ST6GALNAC2: variants seen among roughly 807,000 people sequenced by gnomAD.
ST6GALNAC2 encodes the protein ST6 N-acetylgalactosaminide alpha-2,6-sialyltransferase 2.
In ST6GALNAC2, 42 loss-of-function variants were observed where a neutral mutation model predicts 38.7. The observed-to-expected ratio is 1.09, with a 90% CI of 0.85 to 1.40. The LOEUF (loss-of-function observed/expected upper bound fraction) is 1.40. ST6GALNAC2 is among the 40% of genes most tolerant of loss of function. The pLI, the probability that ST6GALNAC2 is intolerant of heterozygous loss-of-function variation, is 0.00. For missense variants in ST6GALNAC2, 506 were observed against 481.7 expected (o/e 1.05, Z -0.47); for synonymous variants, 233 against 209.0 (o/e 1.11, Z -0.99).
chr17:76,566,226 C>G lies in ST6GALNAC2; in HGVS notation c.1003G>C (p.Asp335His), dbSNP rs373585653. Residue 335 changes from aspartate to histidine, a missense_variant, in exon 9 of 9, where the codon GAC (aspartate) becomes CAC (histidine). By Grantham distance (81) the Asp-to-His change is moderately conservative (BLOSUM62 -1). Transcript: ENST00000225276. ...TTCATTTTTCGTTCGAAATAGTGGT[C>G]GGAAAATTTCCAGTAGTTGCTTGTG... Reference protein sequence around the residue: ...FITSNYWKFSDHYFERKMKPL... With the variant: ...FITSNYWKFSHHYFERKMKPL... 1 of 1,614,040 alleles carries G rather than the reference C, an allele frequency of 6.2e-7. No homozygotes were observed. The highest frequency in any genetic ancestry group is 1.1e-5 in the South Asian group (1 of 91,048).
At chr17:76,576,203 A>T (rs2075413792) in intron 2 of ST6GALNAC2, among the ~76,000 whole-genome samples, 1 of 152,156 alleles carries the variant, frequency 6.6e-6, no homozygotes. Flanking sequence ...AGCTACTGAG[A>T]CTGCACTGCA....
intron 1 of ST6GALNAC2, among the ~76,000 whole-genome samples, chr17:76,584,184 C>G (rs1163819318): frequency 7.4e-6 from 1 of 134,260 alleles, no homozygotes; most frequent in Non-Finnish European, 1.6e-5. Context: ...GCATATCCAT[C>G]ACCTCGAACT....
intron 4 of ST6GALNAC2, 143 bp from the exon 5 acceptor site, chr17:76,572,918 C>A: frequency 1.9e-6 from 2 of 1,076,864 alleles, no homozygotes; most frequent in South Asian, 1.4e-5. Flanking sequence ...GCCCAGTTGT[C>A]AACCAGACCC....
chr17:76,577,060 TTTC>T lies in ST6GALNAC2; in HGVS notation c.186+1693_186+1695del, dbSNP rs2075425351. Among the ~76,000 whole-genome samples the T allele has an allele frequency of 2.6e-4, 6 of 22,870 alleles. No individual in the cohort carries two copies. In the South Asian group the frequency reaches 0.043, roughly 166 times the overall value. 15.0% of individuals were successfully genotyped at this position (22,870 alleles called of 152,430 possible). ...TGGAACAAATTAACAAATTCTTTTT[TTTC>T]TTTTTTTTTTTTTTTTTTTTGAGAC... is the stretch of plus-strand genomic sequence containing the variant. On this transcript the variant is annotated intron_variant, in intron 2 of 8. Coordinates refer to ENST00000225276, the MANE Select transcript of ST6GALNAC2 (RefSeq NM_006456.3).
At chr17:76,576,898 A>G (rs2075422171) in intron 2 of ST6GALNAC2, among the ~76,000 whole-genome samples, 1 of 149,526 alleles carries the variant, frequency 6.7e-6, no homozygotes, top group Non-Finnish European at 1.5e-5. Context: ...TGAACGTGGG[A>G]GGCGGAGGTT....
Position 76,570,612 on chromosome 17 carries a change from C to G in ST6GALNAC2, c.726G>C (p.Ser242=), listed in dbSNP as rs759738194. 6.2e-7 allele frequency: 1 copy of G among 1,613,322 alleles called. No individual in the cohort carries two copies. Among genetic ancestry groups the G allele is most frequent in the Non-Finnish European group, 8.5e-7 (1 of 1,179,814 alleles). The change falls in exon 6 of 9, where the codon TCG becomes TCC. Residue 242 remains serine, a synonymous_variant. Transcript: ENST00000225276. The part of the protein sequence containing the change: ...SDIRDYVMLR[S]AILGVPVPEG... ...CAGGGACAGGCACGCCCAGAATGGC[C>G]GATCTCAGCATCACATAGTCGCGGA... is the stretch of plus-strand genomic sequence containing the variant.
In ST6GALNAC2 at chr17:76,566,093, G is replaced by A; in HGVS notation, c.*11C>T. 3 of 1,611,784 alleles carry A rather than the reference G, an allele frequency of 1.9e-6. No homozygotes were observed. Among genetic ancestry groups the A allele is most frequent in the Non-Finnish European group, 2.5e-6 (3 of 1,178,816 alleles). On this transcript the variant is annotated 3_prime_UTR_variant, in exon 9 of 9. Transcript: ENST00000225276. ...AACTCTTGAAGAAGCAAAGGGCTCA[G>A]TGCATTGGGGTCAGCGCTGGTACAG...
At position 76,573,089 on chromosome 17, in the gene ST6GALNAC2, G is replaced by C. The variant is rs2075371416; in HGVS notation, c.530+106C>G. The C allele has an allele frequency of 1.1e-5, 14 of 1,274,502 alleles. No individual in the cohort carries two copies. Among genetic ancestry groups the C allele is most frequent in the Middle Eastern group, 2.6e-4 (1 of 3,802 alleles). The allele number at this position is 1,274,502 out of a possible 1,614,324, so 78.9% of individuals were successfully genotyped here. ...TGCCCGTGTGCTGGTCACAACTGCT[G>C]AGCCGCCCAGGCCACTGCTGCCATA... is the stretch of plus-strand genomic sequence containing the variant. On this transcript the variant is annotated intron_variant, in intron 4 of 8. Transcript: ENST00000225276. This position sits in a 1 kb window ranked among gnomAD's most constrained non-coding sequence, Gnocchi z 5.1.
At chr17:76,585,306 G>A (rs1170479848) in intron 1 of ST6GALNAC2, among the ~76,000 whole-genome samples, 1 of 152,212 alleles carries the variant, frequency 6.6e-6, no homozygotes, top group Non-Finnish European at 1.5e-5. Flanking sequence ...TGACGTTACC[G>A]AGGGAGAGTT....
intron 1 of ST6GALNAC2, among the ~76,000 whole-genome samples, chr17:76,581,870 AT>A (rs1392349042): frequency 6.6e-6 from 1 of 151,676 alleles, no homozygotes; most frequent in Non-Finnish European, 1.5e-5. Flanking sequence ...TTTTATTTTT[AT>A]TTTTATTTTT....
intron 2 of ST6GALNAC2, among the ~76,000 whole-genome samples, chr17:76,575,751 G>C (rs988404858): frequency 6.6e-6 from 1 of 152,242 alleles, no homozygotes; most frequent in Non-Finnish European, 1.5e-5. Context: ...CCCCAGCCTT[G>C]TCTGCCCGTG....
rs2075266086 is a variant in ST6GALNAC2 at position 76,565,414 on chromosome 17, T to TGTTGGTGACATCATCCA, written c.*689_*690insTGGATGATGTCACCAAC. The TGTTGGTGACATCATCCA allele has an allele frequency of 6.6e-6, 1 of 151,994 alleles. No homozygotes were observed. Among genetic ancestry groups the TGTTGGTGACATCATCCA allele is most frequent in the South Asian group, 2.1e-4 (1 of 4,818 alleles). 9.4% of individuals were successfully genotyped at this position (151,994 alleles called of 1,614,324 possible). A position where few individuals can be genotyped will look rare whatever the true frequency, so the allele number is the denominator to read the frequency against. ...GGTTTATTACCTGGTGACATCATCC[T>TGTTGGTGACATCATCCA]GTTGGTGACAAGGTGGTGATACATC... On this transcript the variant is annotated 3_prime_UTR_variant, in exon 9 of 9. Transcript: ENST00000225276.
At chr17:76,574,769 C>G (rs59908589) in intron 2 of ST6GALNAC2, among the ~76,000 whole-genome samples, 1 of 151,960 alleles carries the variant, frequency 6.6e-6, no homozygotes, top group Non-Finnish European at 1.5e-5. Flanking sequence ...CTCCGTCTCC[C>G]GGGTTCACGC....
In ST6GALNAC2 at chr17:76,573,913, G is replaced by A. The variant is rs539105269; in HGVS notation, c.361+452C>T. 4.6e-5 allele frequency among the ~76,000 whole-genome samples: 7 copies of A among 152,258 alleles called. No individual in the cohort carries two copies. Among genetic ancestry groups the A allele is most frequent in the South Asian group, 4.1e-4 (2 of 4,820 alleles). Reference sequence around the variant, plus strand: ...TGCACTCCAGCCTGAGTGACAGAGCGAGACTCCATCTCAAAAATAAAAAAG... The same window carrying A: ...TGCACTCCAGCCTGAGTGACAGAGCAAGACTCCATCTCAAAAATAAAAAAG... On this transcript the variant is annotated intron_variant, in intron 3 of 8. Transcript: ENST00000225276. This position sits in a 1 kb window ranked among gnomAD's most constrained non-coding sequence, Gnocchi z 5.1.
At chr17:76,578,933 G>C (rs1285245608) in intron 1 of ST6GALNAC2, 117 bp from the exon 2 acceptor site, 2 of 800,146 alleles carry the variant, frequency 2.5e-6, no homozygotes, top group African/African-American at 3.5e-5. Flanking sequence ...TGTGCCCATC[G>C]TGGTGGCTCA....
intron 1 of ST6GALNAC2, among the ~76,000 whole-genome samples, chr17:76,582,572 A>AAAC (rs970986186): frequency 6.6e-6 from 1 of 152,148 alleles, no homozygotes; most frequent in Non-Finnish European, 1.5e-5. Context: ...CTCTCCTATT[A>AAAC]AACAACAACA....
Position 76,567,739 on chromosome 17 carries a change from G to T in ST6GALNAC2, c.858-187C>A, listed in dbSNP as rs147268000. 4.1e-3 allele frequency: 2,141 copies of T among 521,136 alleles called. 42 individuals carry two copies. The highest frequency in any genetic ancestry group is 0.037 in the African/African-American group (1,939 of 52,158). 32.3% of individuals were successfully genotyped at this position (521,136 alleles called of 1,614,324 possible). ...ACCTTAGGTAAGGTTGGGGGAGGGG[G>T]TGGTGAGAAAGGAACCACAGGTTCC... On this transcript the variant is annotated intron_variant, in intron 7 of 8. Coordinates refer to ENST00000225276, the MANE Select transcript of ST6GALNAC2 (RefSeq NM_006456.3).
At chr17:76,578,664 A>G (rs1336982899) in intron 2 of ST6GALNAC2, 92 bp downstream of exon 2, 5 of 1,240,600 alleles carry the variant, frequency 4.0e-6, no homozygotes, top group Non-Finnish European at 5.7e-6. Context: ...CTGCCCAGCA[A>G]TCTCATGAGA....
At position 76,574,491 on chromosome 17, in the gene ST6GALNAC2, G is replaced by C. The variant is rs1200166987; in HGVS notation, c.235C>G (p.His79Asp). 6.2e-7 allele frequency: 1 copy of C among 1,613,734 alleles called. No homozygotes were observed. The change falls in exon 3 of 9, where the codon CAC (histidine) becomes GAC (aspartate). Residue 79 changes from histidine to aspartate, a missense_variant. By Grantham distance (81) the His-to-Asp change is moderately conservative. Coordinates refer to ENST00000225276, the MANE Select transcript of ST6GALNAC2 (RefSeq NM_006456.3). Reference sequence around the variant, plus strand: ...GAGAGATTGAACAGGCCACGGAAGTGGGGGTGCCGCTGAATGGCCAGGTGA... The same window carrying C: ...GAGAGATTGAACAGGCCACGGAAGTCGGGGTGCCGCTGAATGGCCAGGTGA... ...LLHLAIQRHP[H>D]FRGLFNLSIP...
Sources: allele counts gnomAD v4.1 joint callset (sites outside exome capture counted in the v4.1 genomes callset), GRCh38; gene constraint gnomAD v4.1.1; non-coding constraint Gnocchi (gnomAD v3.1); transcripts MANE v1.5; gene names NCBI Gene and HGNC (gene_info 2026-07-23, HGNC 2026-07-21).